FIGN: variants seen among roughly 807,000 people sequenced by gnomAD.
FIGN encodes the protein fidgetin.
Under a neutral mutation model 51.3 loss-of-function variants are expected in FIGN, and 11 were observed. The ratio of observed to expected loss-of-function variants is 0.21; its 90% CI spans 0.13 to 0.35. The LOEUF (loss-of-function observed/expected upper bound fraction) is 0.35. Among genes scored for constraint, FIGN ranks in the 10% least tolerant of loss-of-function variants. The pLI, the probability that FIGN is intolerant of heterozygous loss-of-function variation, is 1.00. For missense variants in FIGN, 857 were observed against 943.6 expected, an observed-to-expected ratio of 0.91 and a Z score of 1.20; for synonymous variants, 407 against 363.2, an observed-to-expected ratio of 1.12 and a Z score of -1.37.
At chr2:163,655,784 C>T (rs979474133) in intron 2 of FIGN, among the ~76,000 whole-genome samples, 9 of 141,604 alleles carry the variant, frequency 6.4e-5, no homozygotes, top group African/African-American at 1.9e-4. Flanking sequence ...CACACACACA[C>T]GCACACACAC....
chr2:163,642,417 G>C lies in FIGN; in HGVS notation c.26-30611C>G, dbSNP rs115312913. 2.8e-3 allele frequency among the ~76,000 whole-genome samples: 430 copies of C among 152,322 alleles called. 6 individuals carry two copies. Among genetic ancestry groups the C allele is most frequent in the African/African-American group, 9.9e-3 (413 of 41,574 alleles). ...TGTTCACTTAGCACTCTGATGATCT[G>C]CTTCCTCATCTACAAAGAGTTACCT... On this transcript the variant is annotated intron_variant, in intron 2 of 2. Transcript: ENST00000333129.
At chr2:163,727,078 G>C (rs1213014207) in intron 2 of FIGN, among the ~76,000 whole-genome samples, 1 of 151,880 alleles carries the variant, frequency 6.6e-6, no homozygotes, top group Non-Finnish European at 1.5e-5. Context: ...TTAAAAGAAA[G>C]AGTTTACAAT....
chr2:163,620,936 T>C (rs986792641), intron 2 of FIGN, among the ~76,000 whole-genome samples: 5 of 151,648 alleles, frequency 3.3e-5, no homozygotes, highest in African/African-American at 1.2e-4. Context: ...AACTGAACTC[T>C]ATTCATGTTT....
At chr2:163,707,283 A>G (rs1341004841) in intron 2 of FIGN, among the ~76,000 whole-genome samples, 2 of 151,944 alleles carry the variant, frequency 1.3e-5, no homozygotes, top group East Asian at 3.9e-4. Flanking sequence ...CAGGAGGTGG[A>G]GGTTGCACCT....
chr2:163,726,120 A>G (rs953479572), intron 2 of FIGN, among the ~76,000 whole-genome samples: 10 of 152,136 alleles, frequency 6.6e-5, no homozygotes, highest in Admixed American at 6.5e-5. Context: ...AGCACTGTTC[A>G]TATAGGCATG....
intron 2 of FIGN, among the ~76,000 whole-genome samples, chr2:163,694,522 A>G (rs1684287087): frequency 6.6e-6 from 1 of 152,152 alleles, no homozygotes; most frequent in South Asian, 2.1e-4. Context: ...CTGCCTTCTC[A>G]TGACATTTTT....
chr2:163,689,298 C>G (rs1684202598), intron 2 of FIGN, among the ~76,000 whole-genome samples: 1 of 152,002 alleles, frequency 6.6e-6, no homozygotes, highest in African/African-American at 2.4e-5. Context: ...GAGCTCTATA[C>G]TGCAAGTTTG....
intron 2 of FIGN, among the ~76,000 whole-genome samples, chr2:163,649,905 A>C (rs1683444540): frequency 6.6e-6 from 1 of 152,226 alleles, no homozygotes; most frequent in African/African-American, 2.4e-5. Context: ...TTATCTCATT[A>C]AACCTCAACA....
At chr2:163,703,030 CTTT>C (rs1324948335) in intron 2 of FIGN, among the ~76,000 whole-genome samples, 1 of 132,382 alleles carries the variant, frequency 7.6e-6, no homozygotes, top group African/African-American at 2.8e-5. Context: ...GATTATTTAG[CTTT>C]TTTTTTTTTT....
chr2:163,735,376 T>A (rs924099829), intron 1 of FIGN, among the ~76,000 whole-genome samples: 11 of 152,196 alleles, frequency 7.2e-5, no homozygotes, highest in African/African-American at 2.4e-4. Flanking sequence ...ATTTTCTCGT[T>A]CCCCCAGCCA....
chr2:163,610,337 T>C lies in FIGN; in HGVS notation c.1495A>G (p.Lys499Glu), dbSNP rs1381490246. The change falls in exon 3 of 3, where the codon AAA becomes GAA. Residue 499 changes from lysine to glutamate, a missense_variant. Coordinates refer to ENST00000333129, the MANE Select transcript of FIGN (RefSeq NM_018086.4). ...AACACTGGCCATAAAACCTCCTCTT[T>C]AATGACAGCCTTCACCAGGTCGAGA... ...AGLDLVKAVI[K>E]EEVLWPVLRS... is the part of the protein sequence containing the mutation. 2 of 1,614,154 alleles carry C rather than the reference T, an allele frequency of 1.2e-6. No individual in the cohort carries two copies. The highest frequency in any genetic ancestry group is 1.1e-5 in the South Asian group (1 of 91,076).
intron 2 of FIGN, among the ~76,000 whole-genome samples, chr2:163,732,264 T>C (rs949298267): frequency 6.6e-6 from 1 of 152,190 alleles, no homozygotes; most frequent in Non-Finnish European, 1.5e-5. Context: ...ACCATAAACA[T>C]GCACAATTAA....
intron 2 of FIGN, among the ~76,000 whole-genome samples, chr2:163,686,511 T>C (rs1684152017): frequency 6.6e-6 from 1 of 151,862 alleles, no homozygotes; most frequent in Non-Finnish European, 1.5e-5. Context: ...TAAAGCAGAG[T>C]TGGGAACGGT....
At chr2:163,612,231 T>C (rs906354973) in intron 2 of FIGN, 1 of 790,314 alleles carries the variant, frequency 1.3e-6, no homozygotes, top group Non-Finnish European at 1.5e-6. Context: ...TATTAACATG[T>C]ACAATATCTA....
chr2:163,682,755 ATT>A (rs909539836), intron 2 of FIGN, among the ~76,000 whole-genome samples: 2 of 152,178 alleles, frequency 1.3e-5, no homozygotes, highest in African/African-American at 4.8e-5. Flanking sequence ...TTCAACAAAT[ATT>A]TGCTGAACAC....
rs1683643958 is a variant in FIGN at position 163,660,730 on chromosome 2, C to CACATATACATATATATGTATACACATAT, written c.26-48952_26-48925dup. Among the ~76,000 whole-genome samples the CACATATACATATATATGTATACACATAT allele has an allele frequency of 1.4e-4, 4 of 28,486 alleles. 1 individual carries two copies. Among genetic ancestry groups the CACATATACATATATATGTATACACATAT allele is most frequent in the Non-Finnish European group, 3.1e-4 (4 of 13,102 alleles). 18.7% of individuals were successfully genotyped at this position (28,486 alleles called of 152,430 possible). A position where few individuals can be genotyped will look rare whatever the true frequency, so the allele number is the denominator to read the frequency against. ...ATACACATATACATATATATGTATACACATATACATATATATGTATACACA... is the reference window on the plus strand; with the variant it reads ...ATACACATATACATATATATGTATACACATATACATATATATGTATACACATATACATATACATATATATGTATACACA... On this transcript the variant is annotated intron_variant, in intron 2 of 2. Transcript: ENST00000333129.
chr2:163,632,197 T>A (rs906448810), intron 2 of FIGN, among the ~76,000 whole-genome samples: 2 of 152,108 alleles, frequency 1.3e-5, no homozygotes, highest in Admixed American at 1.3e-4. Flanking sequence ...TAAAAAGTAA[T>A]AAAGTATTTT....
chr2:163,610,593 T>A lies in FIGN; in HGVS notation c.1239A>T (p.Ser413=), dbSNP rs201081344. ...SYSTAKNSLG[S]RSSESFGKYT... ...ACTTCCCAAAGGATTCACTGGATCTTGATCCCAATGAATTTTTAGCAGTAC... is the reference window on the plus strand; with the variant it reads ...ACTTCCCAAAGGATTCACTGGATCTAGATCCCAATGAATTTTTAGCAGTAC... The change falls in exon 3 of 3, where the codon TCA becomes TCT. Residue 413 remains serine, a synonymous_variant. Transcript: ENST00000333129. The A allele has an allele frequency of 6.2e-7, 1 of 1,614,188 alleles. No individual in the cohort carries two copies. Among genetic ancestry groups the A allele is most frequent in the Admixed American group, 1.7e-5 (1 of 60,020 alleles).
chr2:163,709,279 T>G (rs138597475), intron 2 of FIGN, among the ~76,000 whole-genome samples: 1 of 152,192 alleles, frequency 6.6e-6, no homozygotes, highest in Non-Finnish European at 1.5e-5. Context: ...AATATTTAGC[T>G]ATAGAACAGC....
Sources: allele counts gnomAD v4.1 joint callset (sites outside exome capture counted in the v4.1 genomes callset), GRCh38; gene constraint gnomAD v4.1.1; transcripts MANE v1.5; gene names NCBI Gene and HGNC (gene_info 2026-07-23, HGNC 2026-07-21).